MALRD1: variants seen among roughly 807,000 people sequenced by gnomAD.
MALRD1 encodes MAM and LDL receptor class A domain containing 1, also known as MAM and LDL-receptor class A domain-containing protein 1.
MALRD1 carries 247 observed loss-of-function variants against 242.1 expected under a neutral mutation model. The observed-to-expected ratio is 1.02, with a 90% CI of 0.92 to 1.13. The LOEUF is 1.13. Among genes scored for constraint, MALRD1 ranks in the 50% most tolerant of loss-of-function variants. The pLI, the probability that MALRD1 is intolerant of heterozygous loss-of-function variation, is 0.00. For missense variants in MALRD1, 2,989 were observed against 2,533.1 expected (o/e 1.18, Z -3.86); for synonymous variants, 995 against 866.6 (o/e 1.15, Z -2.60).
At chr10:19,405,048 C>G (rs1050207219) in intron 28 of MALRD1, among the ~76,000 whole-genome samples, 2 of 152,052 alleles carry the variant, frequency 1.3e-5, no homozygotes, top group South Asian at 2.1e-4. Flanking sequence ...ACAAAAAAAC[C>G]TGTGAAAGGC....
chr10:19,301,740 T>C (rs1215615926), intron 21 of MALRD1, among the ~76,000 whole-genome samples: 1 of 151,588 alleles, frequency 6.6e-6, no homozygotes, highest in African/African-American at 2.4e-5. Flanking sequence ...AGGGCGAGGA[T>C]TGAAATGCTA....
At chr10:19,444,153 T>G (rs1834827638) in intron 28 of MALRD1, among the ~76,000 whole-genome samples, 2 of 152,194 alleles carry the variant, frequency 1.3e-5, no homozygotes, top group Admixed American at 1.3e-4. Context: ...TTATTTTCCA[T>G]TTGCTTGGTA....
intron 21 of MALRD1, among the ~76,000 whole-genome samples, chr10:19,291,784 TA>T (rs887881935): frequency 6.6e-5 from 10 of 150,660 alleles, no homozygotes; most frequent in Non-Finnish European, 1.3e-4. Context: ...GTCCTTCCAT[TA>T]AAAAAAATAA....
chr10:19,675,033 G>C lies in MALRD1; in HGVS notation c.6138-17249G>C, dbSNP rs147189007. Among the ~76,000 whole-genome samples, 5 of 152,036 alleles carry C rather than the reference G, an allele frequency of 3.3e-5. 1 individual carries two copies. Among genetic ancestry groups the C allele is most frequent in the Admixed American group, 6.6e-5 (1 of 15,244 alleles). On this transcript the variant is annotated intron_variant, in intron 36 of 39. Transcript: ENST00000454679. ...TGCCATCAACCTGTTTGAACAAAGAGGGAAAAGAAGAACACTTTTTATCTG... is the reference window on the plus strand; with the variant it reads ...TGCCATCAACCTGTTTGAACAAAGACGGAAAAGAAGAACACTTTTTATCTG...
chr10:19,671,680 T>A (rs1841927934), intron 36 of MALRD1, among the ~76,000 whole-genome samples: 1 of 152,172 alleles, frequency 6.6e-6, no homozygotes, highest in African/African-American at 2.4e-5. Context: ...CAATACATGC[T>A]ACGTATCCAT....
At chr10:19,224,246 G>A (rs1356861013) in intron 18 of MALRD1, among the ~76,000 whole-genome samples, 1 of 151,060 alleles carries the variant, frequency 6.6e-6, no homozygotes, top group Admixed American at 6.6e-5. Context: ...CATTCTAACT[G>A]GCGCGAGATG....
intron 33 of MALRD1, among the ~76,000 whole-genome samples, chr10:19,572,507 A>G (rs1836611529): frequency 6.6e-6 from 1 of 152,176 alleles, no homozygotes; most frequent in African/African-American, 2.4e-5. Flanking sequence ...GCAAATACCA[A>G]TAGACACAAC....
intron 11 of MALRD1, among the ~76,000 whole-genome samples, chr10:19,146,994 A>G (rs7896381): frequency 0.35 from 52,647 of 152,022 alleles, 9,564 homozygotes; most frequent in Non-Finnish European, 0.4. Context: ...TTCCCCATAT[A>G]CGTTAGCATC....
chr10:19,401,442 A>T (rs1309144178), intron 28 of MALRD1, among the ~76,000 whole-genome samples: 1 of 152,230 alleles, frequency 6.6e-6, no homozygotes, highest in Non-Finnish European at 1.5e-5. Flanking sequence ...AATAGGAAGT[A>T]ATCGAATTGA....
intron 2 of MALRD1, among the ~76,000 whole-genome samples, chr10:19,075,375 T>G (rs1835285758): frequency 1.3e-5 from 2 of 151,950 alleles, no homozygotes; most frequent in Admixed American, 6.6e-5. Flanking sequence ...TCAAGTGGGC[T>G]CAGTGTAATC....
At chr10:19,641,708 T>G (rs1030878078) in intron 36 of MALRD1, among the ~76,000 whole-genome samples, 7 of 152,226 alleles carry the variant, frequency 4.6e-5, no homozygotes, top group Non-Finnish European at 8.8e-5. Context: ...TAATATAATG[T>G]GAGCTTGCCT....
chr10:19,077,336 G>C (rs1201863135), intron 2 of MALRD1, among the ~76,000 whole-genome samples: 1 of 151,896 alleles, frequency 6.6e-6, no homozygotes. Context: ...TCACAAACCA[G>C]TGTGTTTATA....
intron 24 of MALRD1, among the ~76,000 whole-genome samples, chr10:19,342,119 T>C (rs938640563): frequency 2.0e-5 from 3 of 152,126 alleles, no homozygotes; most frequent in Admixed American, 1.3e-4. Flanking sequence ...TTATTTATTA[T>C]AGTAAGGTCG....
At chr10:19,454,732 A>ACG (rs575770933) in intron 29 of MALRD1, among the ~76,000 whole-genome samples, 8 of 151,194 alleles carry the variant, frequency 5.3e-5, no homozygotes, top group Non-Finnish European at 8.8e-5. Flanking sequence ...ACACACACAC[A>ACG]CACACACACA....
intron 36 of MALRD1, among the ~76,000 whole-genome samples, chr10:19,672,122 A>G: frequency 6.6e-6 from 1 of 151,988 alleles, no homozygotes; most frequent in Non-Finnish European, 1.5e-5. Flanking sequence ...GAGAGTCCAC[A>G]TCTCTGTCAC....
intron 29 of MALRD1, among the ~76,000 whole-genome samples, chr10:19,458,008 A>G (rs938083150): frequency 3.3e-5 from 5 of 152,110 alleles, no homozygotes; most frequent in African/African-American, 1.2e-4. Flanking sequence ...GACCCAGGTC[A>G]TAGCAGTTTC....
intron 12 of MALRD1, among the ~76,000 whole-genome samples, chr10:19,163,141 A>C (rs1834511399): frequency 2.1e-5 from 2 of 94,364 alleles, no homozygotes; most frequent in Non-Finnish European, 4.1e-5. Context: ...CCTGTCTAAA[A>C]AAAAAAAAAA....
chr10:19,585,061 T>A (rs1013633457), intron 33 of MALRD1, among the ~76,000 whole-genome samples: 22 of 151,602 alleles, frequency 1.5e-4, no homozygotes, highest in Non-Finnish European at 2.7e-4. Flanking sequence ...TGCCTTTTTT[T>A]GTTTTCCATT....
chr10:19,159,107 G>T (rs1281359874), intron 12 of MALRD1, among the ~76,000 whole-genome samples: 1 of 152,122 alleles, frequency 6.6e-6, no homozygotes, highest in Non-Finnish European at 1.5e-5. Context: ...CGGAAAAACA[G>T]ATTCGGTTTT....
Sources: allele counts gnomAD v4.1 joint callset (sites outside exome capture counted in the v4.1 genomes callset), GRCh38; gene constraint gnomAD v4.1.1; transcripts MANE v1.5; gene names NCBI Gene and HGNC (gene_info 2026-07-23, HGNC 2026-07-21).